NEMP2: variants seen among roughly 807,000 people sequenced by gnomAD.
NEMP2 encodes UPF0571 transmembrane protein.
Under a neutral mutation model 54.2 loss-of-function variants are expected in NEMP2, and 53 were observed. That is an observed-to-expected ratio of 0.98 (90% CI 0.78 to 1.23). The LOEUF (loss-of-function observed/expected upper bound fraction) is 1.23. NEMP2 is among the 50% of genes most tolerant of loss of function. NEMP2 has a pLI of 0.00. For synonymous variants in NEMP2, 197 were observed against 190.3 expected, an observed-to-expected ratio of 1.04 and a Z score of -0.29; for missense variants, 455 against 511.3, an observed-to-expected ratio of 0.89 and a Z score of 1.06.
chr2:190,450,663 T>C, the NEMP2 span, among the ~76,000 whole-genome samples: 1 of 151,910 alleles, frequency 6.6e-6, no homozygotes, highest in Non-Finnish European at 1.5e-5. Flanking sequence ...CAGCTAAGTT[T>C]TGTATTTTTT....
chr2:190,627,138 T>C, the NEMP2 span, among the ~76,000 whole-genome samples: 6 of 152,246 alleles, frequency 3.9e-5, no homozygotes, highest in African/African-American at 7.2e-5. The surrounding 1 kb of genome is among the most constrained non-coding windows in gnomAD (Gnocchi z 4.4). Flanking sequence ...GGGAGGGACA[T>C]GCATGCAGGG....
chr2:190,456,699 G>A, the NEMP2 span, among the ~76,000 whole-genome samples: 1 of 152,228 alleles, frequency 6.6e-6, no homozygotes, highest in Non-Finnish European at 1.5e-5. This position sits in a 1 kb window ranked among gnomAD's most constrained non-coding sequence, Gnocchi z 5.4. Context: ...ATTATTTAAA[G>A]TCTGCCTGCT....
At chr2:190,466,069 T>A in the NEMP2 span, among the ~76,000 whole-genome samples, 2 of 152,238 alleles carry the variant, frequency 1.3e-5, no homozygotes, top group African/African-American at 4.8e-5. Flanking sequence ...TCTCTTTGGC[T>A]TAGGTTTTCT....
the NEMP2 span, among the ~76,000 whole-genome samples, chr2:190,606,668 G>A: frequency 1.3e-5 from 2 of 152,138 alleles, no homozygotes; most frequent in African/African-American, 4.8e-5. Flanking sequence ...GCAAGATCGT[G>A]CCACTGCACT....
At chr2:190,537,343 C>T (rs1272115802), upstream of NEMP2, among the ~76,000 whole-genome samples, 1 of 152,100 alleles carries the variant, frequency 6.6e-6, no homozygotes, top group Admixed American at 6.5e-5. Flanking sequence ...TTCCCATAAT[C>T]CCCACACATC....
the NEMP2 span, among the ~76,000 whole-genome samples, chr2:190,582,876 C>G: frequency 6.6e-6 from 1 of 152,162 alleles, no homozygotes; most frequent in Non-Finnish European, 1.5e-5. The surrounding 1 kb of genome is among the most constrained non-coding windows in gnomAD (Gnocchi z 4.6). Flanking sequence ...CCTCAATTGG[C>G]CTCAGAAGTT....
chr2:190,518,813 A>G lies in NEMP2; in HGVS notation c.446-5T>C. Reference sequence around the variant, plus strand: ...GGAAGAGTTTGAAATCCATGACTGGAGTAAAAAAGACACACAAACACATAA... The same window carrying G: ...GGAAGAGTTTGAAATCCATGACTGGGGTAAAAAAGACACACAAACACATAA... On this transcript the variant is annotated splice_region_variant and splice_polypyrimidine_tract_variant and intron_variant, in intron 3 of 8. Coordinates refer to ENST00000409150, the MANE Select transcript of NEMP2 (RefSeq NM_001142645.2). 6.5e-7 allele frequency: 1 copy of G among 1,540,438 alleles called. No individual in the cohort carries two copies. Among genetic ancestry groups the G allele is most frequent in the South Asian group, 1.2e-5 (1 of 80,626 alleles).
At chr2:190,593,309 A>G in the NEMP2 span, among the ~76,000 whole-genome samples, 1 of 152,212 alleles carries the variant, frequency 6.6e-6, no homozygotes, top group African/African-American at 2.4e-5. The surrounding 1 kb of genome is among the most constrained non-coding windows in gnomAD (Gnocchi z 4.5). Context: ...CTTGAAAAAG[A>G]AAGTTCATTT....
the NEMP2 span, among the ~76,000 whole-genome samples, chr2:190,573,544 G>C: frequency 6.6e-6 from 1 of 152,110 alleles, no homozygotes; most frequent in Non-Finnish European, 1.5e-5. Context: ...GTTCCAGATA[G>C]TACCAGCTCT....
the NEMP2 span, among the ~76,000 whole-genome samples, chr2:190,562,859 G>A: frequency 2.6e-5 from 4 of 152,102 alleles, no homozygotes; most frequent in South Asian, 2.1e-4. This position sits in a 1 kb window ranked among gnomAD's most constrained non-coding sequence, Gnocchi z 5.0. Context: ...TCAACCTTGA[G>A]TTTTCAACTC....
chr2:190,441,195 G>C, the NEMP2 span, among the ~76,000 whole-genome samples: 1 of 152,030 alleles, frequency 6.6e-6, no homozygotes, highest in African/African-American at 2.4e-5. Context: ...TCCTTGCCCC[G>C]TATGAAAGGG....
the NEMP2 span, among the ~76,000 whole-genome samples, chr2:190,476,529 G>T: frequency 4.5e-4 from 68 of 152,254 alleles, no homozygotes; most frequent in African/African-American, 1.6e-3. Context: ...AATTAGAATG[G>T]CAATCATTAA....
At chr2:190,584,431 C>A in the NEMP2 span, among the ~76,000 whole-genome samples, 7 of 152,250 alleles carry the variant, frequency 4.6e-5, no homozygotes, top group African/African-American at 1.4e-4. The surrounding 1 kb of genome is among the most constrained non-coding windows in gnomAD (Gnocchi z 4.2). Context: ...AAATCACTTT[C>A]TCCTAAGAAA....
the NEMP2 span, among the ~76,000 whole-genome samples, chr2:190,423,043 C>A: frequency 2.0e-5 from 3 of 152,152 alleles, no homozygotes; most frequent in Non-Finnish European, 4.4e-5. This position sits in a 1 kb window ranked among gnomAD's most constrained non-coding sequence, Gnocchi z 4.3. Context: ...TTAAGGGTAA[C>A]CCCTATCCTA....
chr2:190,575,177 G>A, the NEMP2 span, among the ~76,000 whole-genome samples: 2,533 of 151,968 alleles, frequency 0.017, 78 homozygotes, highest in African/African-American at 0.057. Context: ...TTTTACAGGA[G>A]CTCCCAGAAT....
chr2:190,554,600 C>T, the NEMP2 span, among the ~76,000 whole-genome samples: 3 of 152,214 alleles, frequency 2.0e-5, no homozygotes, highest in Non-Finnish European at 4.4e-5. This position sits in a 1 kb window ranked among gnomAD's most constrained non-coding sequence, Gnocchi z 5.7. Context: ...CAGATTGCCT[C>T]TCCAGGTTCC....
At chr2:190,445,549 A>T in the NEMP2 span, among the ~76,000 whole-genome samples, 1 of 152,140 alleles carries the variant, frequency 6.6e-6, no homozygotes, top group Non-Finnish European at 1.5e-5. Context: ...CTCCTCAGAA[A>T]CACAAAACAT....
the NEMP2 span, among the ~76,000 whole-genome samples, chr2:190,642,966 AT>A: frequency 1.1e-3 from 118 of 109,690 alleles, no homozygotes; most frequent in African/African-American, 2.0e-3. This position sits in a 1 kb window ranked among gnomAD's most constrained non-coding sequence, Gnocchi z 4.1. Context: ...AACTTCTTAC[AT>A]TTTTTTTTTT....
chr2:190,423,144 T>C, the NEMP2 span, among the ~76,000 whole-genome samples: 2 of 152,234 alleles, frequency 1.3e-5, no homozygotes, highest in Admixed American at 1.3e-4. The surrounding 1 kb of genome is among the most constrained non-coding windows in gnomAD (Gnocchi z 4.3). Context: ...CTGTACCCCC[T>C]GACTTTTCCC....
Sources: allele counts gnomAD v4.1 joint callset (sites outside exome capture counted in the v4.1 genomes callset), GRCh38; gene constraint gnomAD v4.1.1; non-coding constraint Gnocchi (gnomAD v3.1); transcripts MANE v1.5; gene names NCBI Gene and HGNC (gene_info 2026-07-23, HGNC 2026-07-21).